STRN3: variants seen among roughly 807,000 people sequenced by gnomAD.
The protein encoded by STRN3 is striatin 3, also known as striatin-3.
Under a neutral mutation model 95.6 loss-of-function variants are expected in STRN3, and 29 were observed. The ratio of observed to expected loss-of-function variants is 0.30; its 90% CI spans 0.23 to 0.41. STRN3 has a LOEUF of 0.41. STRN3 is among the 10% of genes least tolerant of loss of function. The probability of loss-of-function intolerance (pLI) is 1.00; values close to 1 mark genes in which losing one functional copy is unlikely to be tolerated. For missense variants in STRN3, 890 were observed against 972.1 expected, an observed-to-expected ratio of 0.92 and a Z score of 1.12; for synonymous variants, 331 against 357.6, an observed-to-expected ratio of 0.93 and a Z score of 0.84.
At chr14:30,968,597 G>A (rs1255431607) in intron 1 of STRN3, among the ~76,000 whole-genome samples, 9 of 151,214 alleles carry the variant, frequency 6.0e-5, no homozygotes, top group Admixed American at 4.0e-4. Flanking sequence ...GGAGAATGGC[G>A]TGAACCCGGG....
rs1391456001 is a variant in STRN3, at chr14:30,935,143, G to T, written c.988+20C>A. 1 of 1,610,436 alleles carries T rather than the reference G, an allele frequency of 6.2e-7. No homozygotes were observed. Among genetic ancestry groups the T allele is most frequent in the Non-Finnish European group, 8.5e-7 (1 of 1,178,362 alleles). On this transcript the variant is annotated intron_variant, in intron 7 of 17. Transcript: ENST00000357479. Reference sequence around the variant, plus strand: ...TAAGGGCTAGATTTCCTCCCACCCGGTATTTCTTTATCACCTTACCCCATT... The same window carrying T: ...TAAGGGCTAGATTTCCTCCCACCCGTTATTTCTTTATCACCTTACCCCATT...
chr14:30,924,897 G>T (rs1428967040), intron 8 of STRN3, among the ~76,000 whole-genome samples: 1 of 151,988 alleles, frequency 6.6e-6, no homozygotes, highest in African/African-American at 2.4e-5. Flanking sequence ...AAGCAAGTGT[G>T]GTAAAGTGTT....
chr14:30,944,683 A>G (rs1879276936), intron 5 of STRN3, among the ~76,000 whole-genome samples: 1 of 146,664 alleles, frequency 6.8e-6, no homozygotes, highest in African/African-American at 2.5e-5. Flanking sequence ...CAATGGCATG[A>G]TCTCAGCTCA....
intron 8 of STRN3, among the ~76,000 whole-genome samples, chr14:30,922,118 G>A (rs1896899940): frequency 6.6e-6 from 1 of 152,068 alleles, no homozygotes; most frequent in Non-Finnish European, 1.5e-5. Context: ...TGAACTCTTA[G>A]GCTCAGGCAA....
chr14:30,923,744 C>T (rs939055398), intron 8 of STRN3, among the ~76,000 whole-genome samples: 1 of 152,008 alleles, frequency 6.6e-6, no homozygotes, highest in Non-Finnish European at 1.5e-5. Context: ...CAGCTCCTAT[C>T]AAAGGAAAAT....
intron 1 of STRN3, among the ~76,000 whole-genome samples, chr14:31,023,845 A>AAC (rs1883632927): frequency 6.6e-6 from 1 of 151,322 alleles, no homozygotes; most frequent in South Asian, 2.1e-4. Context: ...AAAAAAAAAA[A>AAC]CCAACGCCAT....
Position 30,902,984 on chromosome 14 carries a change from G to A in STRN3, c.2030-341C>T, listed in dbSNP as rs529029752. On this transcript the variant is annotated intron_variant, in intron 15 of 17. Coordinates refer to ENST00000357479, the MANE Select transcript of STRN3 (RefSeq NM_001083893.2). ...ATAAGAGTTATAAGCATTTAAAGAA[G>A]GAAAACATTCACAATTGCTAGTCAG... Among the ~76,000 whole-genome samples, 27 of 151,892 alleles carry A rather than the reference G, an allele frequency of 1.8e-4. No individual in the cohort carries two copies. In the East Asian group the frequency reaches 5.0e-3, roughly 28 times the overall value.
chr14:31,002,227 A>G (rs770672643), intron 1 of STRN3, among the ~76,000 whole-genome samples: 39 of 148,962 alleles, frequency 2.6e-4, no homozygotes, highest in Non-Finnish European at 4.2e-4. Context: ...TAATCCCAGC[A>G]ATTTGGGAGG....
chr14:31,007,296 C>T (rs924922550), intron 1 of STRN3, among the ~76,000 whole-genome samples: 2 of 152,158 alleles, frequency 1.3e-5, no homozygotes, highest in Admixed American at 6.5e-5. Context: ...CAAGTCTTCT[C>T]CTCCCCCTCC....
At chr14:30,954,304 G>A (rs1401909967) in intron 3 of STRN3, among the ~76,000 whole-genome samples, 1 of 152,026 alleles carries the variant, frequency 6.6e-6, no homozygotes, top group African/African-American at 2.4e-5. Flanking sequence ...TATAAGGTTA[G>A]GTTTAGGCTG....
intron 1 of STRN3, among the ~76,000 whole-genome samples, chr14:30,968,954 T>C (rs949418886): frequency 6.6e-6 from 1 of 152,100 alleles, no homozygotes; most frequent in Non-Finnish European, 1.5e-5. Flanking sequence ...TTAAAAAAAA[T>C]ATATATTTTG....
chr14:30,925,224 G>C (rs946352381), intron 8 of STRN3, among the ~76,000 whole-genome samples: 2 of 151,750 alleles, frequency 1.3e-5, no homozygotes, highest in African/African-American at 4.8e-5. Flanking sequence ...CTCTTGCTGG[G>C]GGGAGGGGGC....
At chr14:30,911,362 G>C (rs1896604678) in intron 12 of STRN3, among the ~76,000 whole-genome samples, 200 bp from the exon 13 acceptor site, 1 of 144,460 alleles carries the variant, frequency 6.9e-6, no homozygotes, top group Non-Finnish European at 1.5e-5. Flanking sequence ...GGAATGCAGT[G>C]GTGATCTCTG....
Position 30,964,879 on chromosome 14 carries a change from A to ACTG in STRN3, c.283-8640_283-8638dup, listed in dbSNP as rs367613291. On this transcript the variant is annotated intron_variant, in intron 1 of 17. Coordinates refer to ENST00000357479, the MANE Select transcript of STRN3 (RefSeq NM_001083893.2). Reference sequence around the variant, plus strand: ...GGTTGCAGTGAGCCGAGATAGCACCACTGCACTCCAGCCAGTGCACAACAG... The same window carrying ACTG: ...GGTTGCAGTGAGCCGAGATAGCACCACTGCTGCACTCCAGCCAGTGCACAACAG... Among the ~76,000 whole-genome samples the ACTG allele has an allele frequency of 4.2e-4, 63 of 151,716 alleles. No individual in the cohort carries two copies. In the East Asian group the frequency reaches 0.012, roughly 29 times the overall value.
At chr14:30,929,344 T>A (rs1293496819) in intron 7 of STRN3, 33 bp from the exon 8 acceptor site, 1 of 1,572,368 alleles carries the variant, frequency 6.4e-7, no homozygotes, top group Non-Finnish European at 8.7e-7. Flanking sequence ...AGAAAAAAAA[T>A]CAGCAGTTGG....
intron 1 of STRN3, among the ~76,000 whole-genome samples, chr14:31,009,933 C>T (rs892649451): frequency 1.3e-5 from 2 of 151,580 alleles, no homozygotes; most frequent in Non-Finnish European, 2.9e-5. Flanking sequence ...ACACCATCTC[C>T]ATGAAAAAAA....
intron 13 of STRN3, among the ~76,000 whole-genome samples, chr14:30,907,293 T>A (rs1414864151): frequency 2.6e-5 from 4 of 152,194 alleles, no homozygotes; most frequent in African/African-American, 7.2e-5. Flanking sequence ...TTTTTTTTTT[T>A]TAAAACAGCT....
intron 8 of STRN3, among the ~76,000 whole-genome samples, chr14:30,923,493 C>A (rs1896935171): frequency 6.6e-6 from 1 of 151,992 alleles, no homozygotes; most frequent in Non-Finnish European, 1.5e-5. Context: ...GCAAAAAAGT[C>A]ATATTCCATA....
chr14:30,936,100 A>C (rs148536785), intron 6 of STRN3, among the ~76,000 whole-genome samples: 3 of 152,356 alleles, frequency 2.0e-5, no homozygotes, highest in African/African-American at 7.2e-5. Flanking sequence ...GTTGAGACTT[A>C]TTTATAATTC....
Sources: gnomAD v4.1 joint callset for allele counts (sites outside exome capture counted in the v4.1 genomes callset) on GRCh38, gnomAD v4.1.1 for gene constraint, MANE v1.5 for transcripts, NCBI Gene and HGNC (gene_info 2026-07-23, HGNC 2026-07-21) for gene names.